Variants in ARMH4 observed in about 807,000 individuals in gnomAD.
ARMH4 encodes armadillo-like helical domain-containing protein 4.
ARMH4 carries 49 observed loss-of-function variants against 61.9 expected under a neutral mutation model. The ratio of observed to expected loss-of-function variants is 0.79; its 90% CI spans 0.63 to 1.00. The LOEUF is 1.00. Ranked by LOEUF, ARMH4 falls within the 50% of genes least tolerant of loss-of-function variation. The probability of loss-of-function intolerance (pLI) is 0.00; values close to 1 mark genes in which losing one functional copy is unlikely to be tolerated. For missense variants in ARMH4, 934 were observed against 930.0 expected, an observed-to-expected ratio of 1.00 and a Z score of -0.06; for synonymous variants, 368 against 341.5, an observed-to-expected ratio of 1.08 and a Z score of -0.85.
chr14:58,013,067 GA>G (rs1208852142), intron 5 of ARMH4, among the ~76,000 whole-genome samples: 15 of 152,106 alleles, frequency 9.9e-5, no homozygotes, highest in Non-Finnish European at 1.6e-4. Flanking sequence ...TCAAACAAAA[GA>G]AATAAGTGTA....
At chr14:58,030,811 C>A (rs1883201751) in intron 5 of ARMH4, among the ~76,000 whole-genome samples, 1 of 152,164 alleles carries the variant, frequency 6.6e-6, no homozygotes, top group Admixed American at 6.5e-5. Context: ...AAGCATATGT[C>A]AGAATTTCCT....
intron 5 of ARMH4, among the ~76,000 whole-genome samples, chr14:58,073,197 T>A (rs560089536): frequency 9.2e-5 from 14 of 152,132 alleles, no homozygotes; most frequent in Non-Finnish European, 5.9e-5. Context: ...AAATAAATGA[T>A]GAGAAGAAGA....
At chr14:58,132,386 A>T (rs1298094921) in intron 3 of ARMH4, among the ~76,000 whole-genome samples, 2 of 152,180 alleles carry the variant, frequency 1.3e-5, no homozygotes, top group Non-Finnish European at 2.9e-5. Context: ...AAGTTAAGAA[A>T]CTTAGCTTGA....
intron 6 of ARMH4, among the ~76,000 whole-genome samples, chr14:58,008,720 G>A (rs1258553769): frequency 6.6e-6 from 1 of 152,172 alleles, no homozygotes; most frequent in African/African-American, 2.4e-5. Context: ...GAGTTCCTGG[G>A]AGGTATGTCT....
At chr14:58,017,422 T>G (rs12894047) in intron 5 of ARMH4, among the ~76,000 whole-genome samples, 36,670 of 152,062 alleles carry the variant, frequency 0.24, 4,868 homozygotes, top group East Asian at 0.56. Context: ...TTAGAAGTCA[T>G]AAACAAATTC....
chr14:58,100,938 G>C (rs2141270879), intron 4 of ARMH4: 2 of 155,408 alleles, frequency 1.3e-5, no homozygotes, highest in South Asian at 4.1e-4. Flanking sequence ...TCCATGCTAA[G>C]GCAGAAAGAA....
At chr14:58,142,855 G>C (rs927544849) in intron 1 of ARMH4, among the ~76,000 whole-genome samples, 1 of 152,056 alleles carries the variant, frequency 6.6e-6, no homozygotes, top group Non-Finnish European at 1.5e-5. Flanking sequence ...AAGCTCCTAA[G>C]TAGGTAGGAC....
chr14:58,080,508 G>C (rs1306030845), intron 5 of ARMH4, among the ~76,000 whole-genome samples: 1 of 152,134 alleles, frequency 6.6e-6, no homozygotes, highest in Non-Finnish European at 1.5e-5. Flanking sequence ...AGCCCTAATA[G>C]AAGTAGATAT....
intron 4 of ARMH4, among the ~76,000 whole-genome samples, chr14:58,099,794 G>C (rs1375094338): frequency 6.6e-6 from 1 of 152,078 alleles, no homozygotes; most frequent in Non-Finnish European, 1.5e-5. Context: ...GAATATCCTG[G>C]GAGACATGGT....
chr14:58,099,610 A>G (rs1309680704), intron 4 of ARMH4, among the ~76,000 whole-genome samples: 4 of 152,226 alleles, frequency 2.6e-5, no homozygotes. Flanking sequence ...TTCTTACCAG[A>G]AATTTGGCTA....
At chr14:58,142,589 A>T in intron 1 of ARMH4, among the ~76,000 whole-genome samples, 1 of 151,970 alleles carries the variant, frequency 6.6e-6, no homozygotes, top group Non-Finnish European at 1.5e-5. Context: ...CTTGTGCCTC[A>T]GCCTCCCGAG....
intron 5 of ARMH4, among the ~76,000 whole-genome samples, chr14:58,074,968 G>A (rs1023939369): frequency 2.6e-5 from 4 of 152,026 alleles, no homozygotes; most frequent in African/African-American, 7.3e-5. Context: ...ATTAAGAGCC[G>A]CATCTTCTGC....
intron 5 of ARMH4, among the ~76,000 whole-genome samples, chr14:58,078,001 C>T (rs2141237899): frequency 6.6e-6 from 1 of 152,322 alleles, no homozygotes; most frequent in East Asian, 1.9e-4. Flanking sequence ...CCTTAGCTTT[C>T]TGATATTTGC....
Position 58,139,177 on chromosome 14 carries a change from G to T in ARMH4, c.182C>A (p.Thr61Asn). The stretch of plus-strand genomic sequence containing the variant: ...CACCAGTTGGGGAGTCTGCTTTGAG[G>T]TAACAGAGCTATTTTCTAGGTCATC... ...NTDDLENSSV[T>N]SKQTPQLVVS... The change falls in exon 2 of 8, where the codon ACC becomes AAC. Residue 61 changes from threonine (T) to asparagine (N), a missense_variant. Physicochemically the swap from Thr to Asn is moderately conservative, Grantham distance 65 (BLOSUM62 0). Coordinates refer to ENST00000267485, the MANE Select transcript of ARMH4 (RefSeq NM_001001872.4). The T allele has an allele frequency of 6.2e-7, 1 of 1,614,210 alleles. No individual in the cohort carries two copies.
intron 3 of ARMH4, 92 bp downstream of exon 3, chr14:58,132,998 G>A: frequency 2.1e-6 from 3 of 1,410,282 alleles, no homozygotes; most frequent in Non-Finnish European, 3.0e-6. Flanking sequence ...CGCGCTGATG[G>A]CAATGTCGGC....
intron 4 of ARMH4, among the ~76,000 whole-genome samples, chr14:58,121,997 TACTCTTTTCC>T (rs1886739932): frequency 6.6e-6 from 1 of 152,206 alleles, no homozygotes; most frequent in Non-Finnish European, 1.5e-5. Flanking sequence ...TTCCATGGAA[TACTCTTTTCC>T]ATGTCATCTC....
intron 5 of ARMH4, among the ~76,000 whole-genome samples, chr14:58,080,900 A>C (rs534528461): frequency 6.6e-6 from 1 of 152,156 alleles, no homozygotes; most frequent in South Asian, 2.1e-4. Context: ...CCAGGAGTTT[A>C]AGACCAGCCT....
intron 5 of ARMH4, among the ~76,000 whole-genome samples, chr14:58,057,598 G>A (rs2141209209): frequency 6.6e-6 from 1 of 151,726 alleles, no homozygotes; most frequent in East Asian, 1.9e-4. Flanking sequence ...GTATTTTGAT[G>A]GACAGAGATC....
intron 4 of ARMH4, among the ~76,000 whole-genome samples, chr14:58,119,996 C>CA (rs1566589252): frequency 6.6e-6 from 1 of 151,830 alleles, no homozygotes; most frequent in Non-Finnish European, 1.5e-5. Flanking sequence ...ACTTAACAAT[C>CA]GGATACATTC....
Sources: allele counts gnomAD v4.1 joint callset (sites outside exome capture counted in the v4.1 genomes callset), GRCh38; gene constraint gnomAD v4.1.1; transcripts MANE v1.5; gene names NCBI Gene and HGNC (gene_info 2026-07-23, HGNC 2026-07-21).